VSNL1: variants seen among roughly 807,000 people sequenced by gnomAD.
VSNL1 encodes visinin-like protein 1.
VSNL1 carries 6 observed loss-of-function variants against 20.4 expected under a neutral mutation model. The ratio of observed to expected loss-of-function variants is 0.29; its 90% CI spans 0.16 to 0.58. VSNL1 has a LOEUF of 0.58. VSNL1 is among the 20% of genes least tolerant of loss of function. The probability of loss-of-function intolerance (pLI) is 0.90; values close to 1 mark genes in which losing one functional copy is unlikely to be tolerated. For missense variants in VSNL1, 100 were observed against 234.5 expected, an observed-to-expected ratio of 0.43 and a Z score of 3.75; for synonymous variants, 93 against 86.4, an observed-to-expected ratio of 1.08 and a Z score of -0.42.
chr2:17,585,497 G>GGGGT (rs1053757248), intron 1 of VSNL1, among the ~76,000 whole-genome samples: 1 of 152,082 alleles, frequency 6.6e-6, no homozygotes, highest in African/African-American at 2.4e-5. Flanking sequence ...AGGATCCAAG[G>GGGGT]GGGTGGTGCT....
chr2:17,604,190 A>T (rs115493221), intron 2 of VSNL1, among the ~76,000 whole-genome samples: 1,555 of 152,354 alleles, frequency 0.01, 12 homozygotes, highest in Non-Finnish European at 0.016. Flanking sequence ...GCTGAAGCTG[A>T]CATCCAGAAA....
intron 1 of VSNL1, among the ~76,000 whole-genome samples, chr2:17,587,653 C>T (rs548989694): frequency 1.2e-4 from 19 of 152,158 alleles, no homozygotes; most frequent in African/African-American, 4.6e-4. Flanking sequence ...TGAGATGATC[C>T]TGCAGGTGAG....
intron 1 of VSNL1, among the ~76,000 whole-genome samples, chr2:17,544,789 C>T (rs938705136): frequency 2.6e-5 from 4 of 152,104 alleles, no homozygotes; most frequent in Admixed American, 2.0e-4. Context: ...TTTAATTAAT[C>T]TAAACTGACA....
intron 2 of VSNL1, among the ~76,000 whole-genome samples, chr2:17,632,763 T>C (rs2710684): frequency 0.76 from 115,331 of 152,244 alleles, 45,275 homozygotes; most frequent in Middle Eastern, 0.92. Flanking sequence ...CACAGCATAT[T>C]TCCTTCAGTT....
chr2:17,553,482 CAAAT>C (rs1264279395), intron 1 of VSNL1, among the ~76,000 whole-genome samples: 1 of 151,730 alleles, frequency 6.6e-6, no homozygotes, highest in Non-Finnish European at 1.5e-5. Context: ...TTTTAAAAAA[CAAAT>C]AAGGGCAATT....
chr2:17,571,360 T>G (rs1244728868), intron 1 of VSNL1, among the ~76,000 whole-genome samples: 1 of 152,160 alleles, frequency 6.6e-6, no homozygotes, highest in Non-Finnish European at 1.5e-5. Flanking sequence ...TCCTTGAGGT[T>G]GCTAATAATT....
intron 1 of VSNL1, among the ~76,000 whole-genome samples, chr2:17,588,830 T>A (rs1176057710): frequency 6.6e-6 from 1 of 152,204 alleles, no homozygotes; most frequent in Non-Finnish European, 1.5e-5. Flanking sequence ...ACTCTCCTTA[T>A]ATATAGATTA....
chr2:17,625,840 ATTTTTT>A (rs35795117), intron 2 of VSNL1, among the ~76,000 whole-genome samples: 3 of 108,542 alleles, frequency 2.8e-5, no homozygotes, highest in African/African-American at 1.1e-4. Context: ...TCCTTAGCTG[ATTTTTT>A]TTTTTTTTTT....
At chr2:17,584,114 C>T (rs954314555) in intron 1 of VSNL1, among the ~76,000 whole-genome samples, 4 of 152,128 alleles carry the variant, frequency 2.6e-5, no homozygotes, top group East Asian at 3.8e-4. Context: ...TCAAAATTCA[C>T]GCACCTTGTA....
At chr2:17,644,169 T>G (rs996145891) in intron 2 of VSNL1, among the ~76,000 whole-genome samples, 10 of 152,180 alleles carry the variant, frequency 6.6e-5, no homozygotes, top group Non-Finnish European at 2.9e-5. Flanking sequence ...GGAGGCCTCA[T>G]GGATGTGAAG....
intron 2 of VSNL1, among the ~76,000 whole-genome samples, chr2:17,647,068 T>A (rs1666014507): frequency 6.6e-6 from 1 of 152,196 alleles, no homozygotes; most frequent in African/African-American, 2.4e-5. Flanking sequence ...TAAAAGTCAG[T>A]ATATAGACCT....
chr2:17,601,283 G>A (rs1040440314), intron 2 of VSNL1, among the ~76,000 whole-genome samples: 7 of 152,286 alleles, frequency 4.6e-5, no homozygotes, highest in African/African-American at 1.7e-4. Flanking sequence ...GTGCTGTCCC[G>A]TTAGTAATTC....
intron 2 of VSNL1, among the ~76,000 whole-genome samples, chr2:17,640,226 C>T (rs1299122976): frequency 6.9e-6 from 1 of 144,522 alleles, no homozygotes; most frequent in Non-Finnish European, 1.5e-5. Context: ...GCACTCTGGC[C>T]TGGGCAACAG....
chr2:17,594,857 A>G (rs1664677996), intron 2 of VSNL1, among the ~76,000 whole-genome samples: 1 of 152,256 alleles, frequency 6.6e-6, no homozygotes, highest in Admixed American at 6.5e-5. Flanking sequence ...AAGCCCTTGC[A>G]TTCCAAATGT....
intron 1 of VSNL1, among the ~76,000 whole-genome samples, chr2:17,575,294 G>A (rs1246090487): frequency 6.6e-6 from 1 of 152,134 alleles, no homozygotes; most frequent in African/African-American, 2.4e-5. Context: ...GAATAAAAGG[G>A]CATCCATCAT....
intron 2 of VSNL1, among the ~76,000 whole-genome samples, chr2:17,604,859 T>G (rs1664907786): frequency 6.6e-6 from 1 of 152,206 alleles, no homozygotes. Context: ...TATTACTAAA[T>G]GGCACAAAGA....
intron 1 of VSNL1, among the ~76,000 whole-genome samples, chr2:17,562,391 A>AC (rs1473614177): frequency 6.6e-6 from 1 of 152,142 alleles, no homozygotes; most frequent in Non-Finnish European, 1.5e-5. Flanking sequence ...CAATCGACAG[A>AC]CCAAATTTTA....
Position 17,615,562 on chromosome 2 carries a change from C to T in VSNL1, c.162+23326C>T, listed in dbSNP as rs374551593. On this transcript the variant is annotated intron_variant, in intron 2 of 3. Transcript: ENST00000295156. Reference sequence around the variant, plus strand: ...CACTGGGCCTGTCTCAGATATTTGGCTACAATTAACTGAATCCAGCAAACA... The same window carrying T: ...CACTGGGCCTGTCTCAGATATTTGGTTACAATTAACTGAATCCAGCAAACA... 4.6e-5 allele frequency among the ~76,000 whole-genome samples: 7 copies of T among 152,340 alleles called. No homozygotes were observed. The East Asian group carries it at 1.2e-3, about 25-fold the overall frequency.
intron 2 of VSNL1, among the ~76,000 whole-genome samples, chr2:17,639,618 G>A (rs1247615168): frequency 2.0e-5 from 3 of 152,026 alleles, no homozygotes; most frequent in Non-Finnish European, 2.9e-5. Context: ...CTTAGTTTTC[G>A]TATTATTGGC....
Sources: gnomAD v4.1 joint callset for allele counts (sites outside exome capture counted in the v4.1 genomes callset) on GRCh38, gnomAD v4.1.1 for gene constraint, MANE v1.5 for transcripts, NCBI Gene and HGNC (gene_info 2026-07-23, HGNC 2026-07-21) for gene names.